The following MANBA variants were observed in gnomAD, a reference collection of about 807,000 sequenced individuals.
MANBA encodes mannosidase beta.
Under a neutral mutation model 111.1 loss-of-function variants are expected in MANBA, and 83 were observed. The observed-to-expected ratio is 0.75, with a 90% CI of 0.63 to 0.90. The LOEUF is 0.90. Among genes scored for constraint, MANBA ranks in the 40% least tolerant of loss-of-function variants. The pLI is 0.00. For missense variants in MANBA, 1,036 were observed against 1,069.0 expected, an observed-to-expected ratio of 0.97 and a Z score of 0.43; for synonymous variants, 370 against 378.7, an observed-to-expected ratio of 0.98 and a Z score of 0.27.
chr4:102,747,173 A>ATATATATATATATATATATAT (rs1560812741), intron 1 of MANBA, among the ~76,000 whole-genome samples: 6 of 151,502 alleles, frequency 4.0e-5, no homozygotes, highest in African/African-American at 1.2e-4. Flanking sequence ...ATATATATAT[A>ATATATATATATATATATATAT]AAGGGGAGTT....
At chr4:102,647,478 T>C (rs965614459) in intron 13 of MANBA, among the ~76,000 whole-genome samples, 1 of 151,602 alleles carries the variant, frequency 6.6e-6, no homozygotes, top group African/African-American at 2.4e-5. Context: ...GAATATAATT[T>C]TGAGGAAAAG....
chr4:102,720,606 A>C (rs1399530896), intron 4 of MANBA, among the ~76,000 whole-genome samples: 3 of 148,538 alleles, frequency 2.0e-5, no homozygotes. Flanking sequence ...CTTCATCTCA[A>C]AAAAAAAAAA....
intron 7 of MANBA, among the ~76,000 whole-genome samples, chr4:102,678,148 TC>T (rs1293483934): frequency 6.6e-6 from 1 of 152,198 alleles, no homozygotes; most frequent in Non-Finnish European, 1.5e-5. Context: ...AGAATATTTT[TC>T]CTTTCTGTGC....
At chr4:102,683,196 GA>G (rs1269488423) in intron 7 of MANBA, among the ~76,000 whole-genome samples, 3 of 149,808 alleles carry the variant, frequency 2.0e-5, no homozygotes, top group African/African-American at 4.9e-5. Flanking sequence ...AACTGAAAAA[GA>G]AAAAAAAATC....
chr4:102,751,618 A>T, intron 1 of MANBA: 1 of 540,820 alleles, frequency 1.8e-6, no homozygotes, highest in Non-Finnish European at 3.8e-6. Flanking sequence ...ATGGAACTGG[A>T]GAACATGTCA....
intron 1 of MANBA, chr4:102,730,279 A>G (rs1722983910): frequency 1.8e-6 from 1 of 551,774 alleles, no homozygotes. Flanking sequence ...ATATCGTCTC[A>G]TGACCGGAGG....
intron 8 of MANBA, among the ~76,000 whole-genome samples, chr4:102,672,369 G>T (rs973489148): frequency 2.0e-5 from 3 of 152,216 alleles, no homozygotes; most frequent in South Asian, 4.2e-4. Context: ...GCATTGCAAA[G>T]ATTTAAGTTT....
intron 13 of MANBA, among the ~76,000 whole-genome samples, chr4:102,640,715 G>T (rs957245867): frequency 1.3e-5 from 2 of 152,108 alleles, no homozygotes; most frequent in Non-Finnish European, 2.9e-5. Context: ...GGAATAAAAA[G>T]AATGGTGCAT....
intron 1 of MANBA, among the ~76,000 whole-genome samples, chr4:102,731,110 T>A (rs1217490245): frequency 3.3e-5 from 5 of 152,272 alleles, no homozygotes; most frequent in Non-Finnish European, 5.9e-5. Context: ...GTCTCCTTTG[T>A]TCTCTGTGCT....
chr4:102,698,159 G>A (rs1383085629), intron 5 of MANBA, among the ~76,000 whole-genome samples: 1 of 152,170 alleles, frequency 6.6e-6, no homozygotes, highest in East Asian at 1.9e-4. Context: ...GACTTCTTTT[G>A]AGAAGTGTCT....
chr4:102,712,820 C>A (rs1432035356), intron 5 of MANBA, among the ~76,000 whole-genome samples: 2 of 152,136 alleles, frequency 1.3e-5, no homozygotes, highest in East Asian at 3.9e-4. Context: ...TGAGCCACTG[C>A]GCTCAGCTCA....
intron 5 of MANBA, among the ~76,000 whole-genome samples, chr4:102,697,191 C>A (rs1732755625): frequency 6.6e-6 from 1 of 152,040 alleles, no homozygotes; most frequent in Non-Finnish European, 1.5e-5. Context: ...AAGCAACCTA[C>A]CCTCTCTATG....
At chr4:102,657,228 G>GGC (rs1560752395) in intron 12 of MANBA, among the ~76,000 whole-genome samples, 3 of 120,800 alleles carry the variant, frequency 2.5e-5, no homozygotes, top group East Asian at 6.1e-4. Context: ...GGGGTGGGGG[G>GGC]GGGGTGGGCG....
In MANBA at chr4:102,671,418, A is replaced by G. The variant is rs1475125471; in HGVS notation, c.1113-20T>C. ...CGTAACCTGTAGAAGACATTTTAGA[A>G]ACAAATCATAATTTGGAAAAAAAAA... On this transcript the variant is annotated intron_variant, in intron 8 of 16. Transcript: ENST00000647097. The G allele has an allele frequency of 7.0e-7, 1 of 1,422,422 alleles. No individual in the cohort carries two copies. Among genetic ancestry groups the G allele is most frequent in the Non-Finnish European group, 9.9e-7 (1 of 1,006,442 alleles). 88.1% of individuals were successfully genotyped at this position (1,422,422 alleles called of 1,614,324 possible). A position where few individuals can be genotyped will look rare whatever the true frequency, so the allele number is the denominator to read the frequency against.
At chr4:102,729,918 TGGATGTTGG>T (rs1722966096) in intron 1 of MANBA, 7 of 1,505,846 alleles carry the variant, frequency 4.6e-6, no homozygotes, top group African/African-American at 1.4e-5. Context: ...GCGCACAGCC[TGGATGTTGG>T]GGTCCACCTC....
At chr4:102,658,638 T>C (rs1730694100) in intron 11 of MANBA, among the ~76,000 whole-genome samples, 1 of 152,208 alleles carries the variant, frequency 6.6e-6, no homozygotes, top group African/African-American at 2.4e-5. Flanking sequence ...CTCGTTTCTG[T>C]AATATAGAGC....
At chr4:102,673,637 T>C (rs1731594322) in intron 8 of MANBA, among the ~76,000 whole-genome samples, 1 of 152,226 alleles carries the variant, frequency 6.6e-6, no homozygotes, top group South Asian at 2.1e-4. Context: ...AAATATAAAT[T>C]ACTCATTTTC....
chr4:102,731,732 C>T (rs1723041028), intron 1 of MANBA, among the ~76,000 whole-genome samples: 1 of 151,990 alleles, frequency 6.6e-6, no homozygotes, highest in African/African-American at 2.4e-5. Context: ...CCATCTGGCC[C>T]TCGAGGTCTA....
intron 7 of MANBA, among the ~76,000 whole-genome samples, chr4:102,680,111 C>T (rs1156313763): frequency 6.6e-6 from 1 of 152,182 alleles, no homozygotes. Context: ...AAACCAGCAA[C>T]TCTTTGTTGT....
Sources: gnomAD v4.1 joint callset for allele counts (sites outside exome capture counted in the v4.1 genomes callset) on GRCh38, gnomAD v4.1.1 for gene constraint, MANE v1.5 for transcripts, NCBI Gene and HGNC (gene_info 2026-07-23, HGNC 2026-07-21) for gene names.